Variants in SPAG9 observed in about 807,000 individuals in gnomAD.
SPAG9 encodes C-Jun-amino-terminal kinase-interacting protein 4.
SPAG9 carries 35 observed loss-of-function variants against 166.5 expected under a neutral mutation model. The observed-to-expected ratio is 0.21, with a 90% CI of 0.16 to 0.28. The LOEUF (loss-of-function observed/expected upper bound fraction) is 0.28, where lower values mean the gene tolerates loss of function less well. Ranked by LOEUF, SPAG9 falls within the 10% of genes least tolerant of loss-of-function variation. SPAG9 has a pLI of 1.00. For missense variants in SPAG9, 1,235 were observed against 1,603.3 expected (o/e 0.77, Z 3.92); for synonymous variants, 534 against 565.5 (o/e 0.94, Z 0.79).
chr17:51,055,425 AT>A (rs2047337032), intron 3 of SPAG9, among the ~76,000 whole-genome samples: 1 of 152,200 alleles, frequency 6.6e-6, no homozygotes, highest in African/African-American at 2.4e-5. Context: ...TCTTTGTAGC[AT>A]TAATATGCTT....
intron 2 of SPAG9, among the ~76,000 whole-genome samples, chr17:51,077,009 G>T (rs72826434): frequency 0.079 from 5,395 of 68,280 alleles, 386 homozygotes; most frequent in African/African-American, 0.15. Flanking sequence ...TATCTAGCTA[G>T]CTAGCTAGCT....
chr17:50,982,034 GAAAAAAA>G (rs896339872), intron 25 of SPAG9, among the ~76,000 whole-genome samples: 3 of 130,494 alleles, frequency 2.3e-5, no homozygotes, highest in African/African-American at 2.8e-5. Context: ...CTCTGTCTCA[GAAAAAAA>G]AAAAAGAAAA....
intron 6 of SPAG9, among the ~76,000 whole-genome samples, chr17:51,028,802 A>G (rs2046284997): frequency 6.6e-6 from 1 of 152,202 alleles, no homozygotes; most frequent in Non-Finnish European, 1.5e-5. Flanking sequence ...GCATGCTGTC[A>G]TTTCACATTC....
At position 51,066,950 on chromosome 17, in the gene SPAG9, G is replaced by T. The variant is rs192225944; in HGVS notation, c.425-10468C>A. Reference sequence around the variant, plus strand: ...AAATGATTTTCTGAATGTTTTTCTGGTGGTATATTCTCTCCTGCCTAACAC... The same window carrying T: ...AAATGATTTTCTGAATGTTTTTCTGTTGGTATATTCTCTCCTGCCTAACAC... On this transcript the variant is annotated intron_variant, in intron 2 of 29. Transcript: ENST00000262013. Among the ~76,000 whole-genome samples the T allele has an allele frequency of 3.7e-4, 56 of 152,044 alleles. 1 individual carries two copies. In the Middle Eastern group the frequency reaches 0.014, roughly 37 times the overall value.
intron 4 of SPAG9, chr17:51,046,841 C>T: frequency 6.5e-7 from 1 of 1,532,244 alleles, no homozygotes; most frequent in East Asian, 2.5e-5. Flanking sequence ...GTTCTCCCCA[C>T]CTCATAACCA....
intron 3 of SPAG9, among the ~76,000 whole-genome samples, chr17:51,051,490 C>T (rs190134379): frequency 6.6e-5 from 10 of 152,130 alleles, no homozygotes; most frequent in East Asian, 3.9e-4. Flanking sequence ...AAGGCCGGGA[C>T]GGGCAGATCA....
At chr17:51,047,304 C>A (rs2047052542) in intron 4 of SPAG9, 71 bp downstream of exon 4, 2 of 880,684 alleles carry the variant, frequency 2.3e-6, no homozygotes, top group Non-Finnish European at 3.5e-6. Context: ...GATTAAAGAA[C>A]AGAGAAAAAC....
At chr17:50,987,600 GA>G (rs1975154687) in intron 21 of SPAG9, among the ~76,000 whole-genome samples, 1 of 150,754 alleles carries the variant, frequency 6.6e-6, no homozygotes, top group South Asian at 2.1e-4. Flanking sequence ...AATTGTACCA[GA>G]AATAACATTA....
chr17:51,120,514 T>C lies in SPAG9; in HGVS notation c.143A>G (p.Lys48Arg). 1 of 1,613,960 alleles carries C rather than the reference T, an allele frequency of 6.2e-7. No individual in the cohort carries two copies. Among genetic ancestry groups the C allele is most frequent in the Non-Finnish European group, 8.5e-7 (1 of 1,179,902 alleles). Reference protein sequence around the residue: ...LIGRYDEEVVKELMPLVVAVL... With the variant: ...LIGRYDEEVVRELMPLVVAVL... The stretch of plus-strand genomic sequence containing the variant: ...AGCCACCACCAGCGGCATCAGCTCT[T>C]TGACCACCTCCTCGTCATAGCGCCC... Residue 48 changes from lysine (K) to arginine (R), a missense_variant, in exon 1 of 30, where the codon AAA becomes AGA. By Grantham distance (26) the Lys-to-Arg change is conservative. Around this residue, in one of 6 missense-constraint regions of SPAG9, gnomAD observed 83 missense variants for 149.8 expected, o/e 0.55. Coordinates refer to ENST00000262013, the MANE Select transcript of SPAG9 (RefSeq NM_001130528.3). This position sits in a 1 kb window ranked among gnomAD's most constrained non-coding sequence, Gnocchi z 4.7.
In SPAG9 at chr17:50,989,708, G is replaced by A; in HGVS notation, c.2782C>T (p.Pro928Ser). 4.3e-6 allele frequency: 7 copies of A among 1,614,008 alleles called. No homozygotes were observed. The East Asian group carries it at 1.6e-4, about 36-fold the overall frequency. ...VFTDPLGVQIPEDLSPVYQSS... is the reference protein window; with the variant it reads ...VFTDPLGVQISEDLSPVYQSS... Reference sequence around the variant, plus strand: ...TGATACACTGGGGAGAGGTCTTCTGGGATCTGAACTCCCAAAGGATCTGTA... The same window carrying A: ...TGATACACTGGGGAGAGGTCTTCTGAGATCTGAACTCCCAAAGGATCTGTA... Residue 928 changes from proline to serine, a missense_variant, in exon 21 of 30, where the codon CCA (proline) becomes TCA (serine). Physicochemically the swap from Pro to Ser is moderately conservative, Grantham distance 74 (BLOSUM62 -1). This residue lies in a region of SPAG9 where 493 missense variants were observed against 559.4 expected (regional missense o/e 0.88). Coordinates refer to ENST00000262013, the MANE Select transcript of SPAG9 (RefSeq NM_001130528.3).
rs771124851 is a variant in SPAG9 at position 51,120,707 on chromosome 17, G to A, written c.-51C>T. 2.2e-4 allele frequency: 315 copies of A among 1,462,812 alleles called. No homozygotes were observed. Among genetic ancestry groups the A allele is most frequent in the Non-Finnish European group, 2.7e-4 (292 of 1,088,824 alleles). The allele number at this position is 1,462,812 out of a possible 1,614,324, so 90.6% of individuals were successfully genotyped here. On this transcript the variant is annotated 5_prime_UTR_variant, in exon 1 of 30. Transcript: ENST00000262013. The surrounding 1 kb of genome is among the most constrained non-coding windows in gnomAD (Gnocchi z 4.7). Reference sequence around the variant, plus strand: ...CCGGGGCGTCGCCGGCAGAGGGGCGGCACCTGCCCGCACGGGACGGACCCG... The same window carrying A: ...CCGGGGCGTCGCCGGCAGAGGGGCGACACCTGCCCGCACGGGACGGACCCG...
chr17:51,119,451 G>T (rs139734074), intron 1 of SPAG9, among the ~76,000 whole-genome samples: 1 of 152,274 alleles, frequency 6.6e-6, no homozygotes, highest in Non-Finnish European at 1.5e-5. Flanking sequence ...CTCCTTGTCA[G>T]TCTCAAGAAG....
In SPAG9 at chr17:50,989,805, T is replaced by C; in HGVS notation, c.2685A>G (p.Thr895=). Residue 895 remains threonine (T), a synonymous_variant, in exon 21 of 30, where the codon ACA becomes ACG. Transcript: ENST00000262013. Reference sequence around the variant, plus strand: ...CTTCAGCTGACCCCGCATTCCCTTCTGTAGCTTCAGTTGCTTCTTCTGCTG... The same window carrying C: ...CTTCAGCTGACCCCGCATTCCCTTCCGTAGCTTCAGTTGCTTCTTCTGCTG... ...VPTAEEATEA[T]EGNAGSAEDT... 6.2e-7 allele frequency: 1 copy of C among 1,614,222 alleles called. No individual in the cohort carries two copies. The highest frequency in any genetic ancestry group is 8.5e-7 in the Non-Finnish European group (1 of 1,180,038).
chr17:51,119,423 C>A (rs1052907889), intron 1 of SPAG9, among the ~76,000 whole-genome samples: 1 of 152,156 alleles, frequency 6.6e-6, no homozygotes, highest in Non-Finnish European at 1.5e-5. Context: ...ATAACGCCAA[C>A]GCAGGCTGAA....
chr17:50,971,459 CTTTTTTTT>C (rs71353691), intron 28 of SPAG9, among the ~76,000 whole-genome samples: 4 of 89,872 alleles, frequency 4.5e-5, no homozygotes, highest in African/African-American at 9.2e-5. Context: ...TTCAAACTAC[CTTTTTTTT>C]TTTTTTTTTT....
intron 22 of SPAG9, 99 bp downstream of exon 22, chr17:50,987,013 C>A (rs2143785217): frequency 8.2e-7 from 1 of 1,216,074 alleles, no homozygotes; most frequent in Non-Finnish European, 1.2e-6. Context: ...TTGCATTAAT[C>A]CACACTTTTT....
intron 8 of SPAG9, chr17:51,014,783 T>C (rs1400282305): frequency 6.7e-6 from 1 of 150,092 alleles, no homozygotes; most frequent in Non-Finnish European, 1.5e-5. Context: ...ACATACAAAA[T>C]TAAAATTTTT....
chr17:51,037,687 TGTGTGTGTGTGTGTG>T (rs2046665346), intron 5 of SPAG9, among the ~76,000 whole-genome samples: 1 of 74,146 alleles, frequency 1.3e-5, no homozygotes, highest in African/African-American at 4.9e-5. Context: ...ATATATATAG[TGTGTGTGTGTGTGTG>T]TGTGTGTGTG....
intron 14 of SPAG9, 113 bp downstream of exon 14, chr17:50,999,548 A>G: frequency 9.2e-7 from 1 of 1,081,222 alleles, no homozygotes; most frequent in Non-Finnish European, 1.2e-6. Flanking sequence ...CCCTAGTTTA[A>G]AAAAAAAAAA....
Sources: allele counts gnomAD v4.1 joint callset (sites outside exome capture counted in the v4.1 genomes callset), GRCh38; gene constraint gnomAD v4.1.1; regional missense constraint gnomAD v4.1.1; non-coding constraint Gnocchi (gnomAD v3.1); transcripts MANE v1.5; gene names NCBI Gene and HGNC (gene_info 2026-07-23, HGNC 2026-07-21).